Variants in TAFA2 observed in about 807,000 individuals in gnomAD.
TAFA2 encodes TAFA chemokine like family member 2.
A neutral mutation model predicts 18.8 loss-of-function variants in TAFA2; 7 were observed. The ratio of observed to expected loss-of-function variants is 0.37; its 90% confidence interval spans 0.21 to 0.70. TAFA2 has a LOEUF of 0.70. Ranked by LOEUF, TAFA2 falls within the 30% of genes least tolerant of loss-of-function variation. The pLI is 0.53. For missense variants in TAFA2, 122 were observed against 158.1 expected (o/e 0.77, Z 1.23); for synonymous variants, 60 against 54.2 (o/e 1.11, Z -0.47).
chr12:61,714,101 G>C (rs1405492473), intron 4 of TAFA2, among the ~76,000 whole-genome samples: 1 of 152,132 alleles, frequency 6.6e-6, no homozygotes, highest in Non-Finnish European at 1.5e-5. Flanking sequence ...TACAGGATGG[G>C]AGATAGCATT....
intron 1 of TAFA2, among the ~76,000 whole-genome samples, chr12:61,917,061 C>T (rs1414268534): frequency 3.3e-5 from 5 of 152,076 alleles, no homozygotes; most frequent in Non-Finnish European, 1.5e-5. Context: ...CTCCCAGCCC[C>T]CAATCCTGCC....
intron 1 of TAFA2, among the ~76,000 whole-genome samples, chr12:62,238,836 T>A (rs1202341085): frequency 6.6e-6 from 1 of 152,252 alleles, no homozygotes; most frequent in Non-Finnish European, 1.5e-5. Flanking sequence ...TACGTAGGTA[T>A]GTTTTCTGTA....
chr12:62,056,940 TGA>T (rs1882203135), intron 1 of TAFA2, among the ~76,000 whole-genome samples: 2 of 152,220 alleles, frequency 1.3e-5, no homozygotes, highest in South Asian at 4.1e-4. Flanking sequence ...TCTATGCTCT[TGA>T]GAGAGAAAGG....
At chr12:61,888,398 A>T (rs1275297344) in intron 1 of TAFA2, among the ~76,000 whole-genome samples, 1 of 152,220 alleles carries the variant, frequency 6.6e-6, no homozygotes, top group African/African-American at 2.4e-5. Context: ...AGTCATACTC[A>T]GGACCCTTCC....
chr12:62,143,006 G>T (rs1346132069), intron 1 of TAFA2, among the ~76,000 whole-genome samples: 2 of 152,018 alleles, frequency 1.3e-5, no homozygotes, highest in Non-Finnish European at 2.9e-5. Context: ...TGTGAATAAG[G>T]GCTTACCCAA....
At chr12:62,115,116 T>C (rs898890519) in intron 1 of TAFA2, among the ~76,000 whole-genome samples, 2 of 152,160 alleles carry the variant, frequency 1.3e-5, no homozygotes, top group African/African-American at 2.4e-5. Context: ...ATTTGTCTAT[T>C]TTCCATTTTA....
At chr12:61,830,464 G>A (rs2121089557) in intron 2 of TAFA2, among the ~76,000 whole-genome samples, 1 of 151,664 alleles carries the variant, frequency 6.6e-6, no homozygotes, top group Admixed American at 6.6e-5. Context: ...GATATAACTG[G>A]AGGCCATTAT....
At chr12:61,952,622 AG>A (rs1029680310) in intron 1 of TAFA2, among the ~76,000 whole-genome samples, 1 of 152,142 alleles carries the variant, frequency 6.6e-6, no homozygotes, top group Non-Finnish European at 1.5e-5. Context: ...TTAACAGAAA[AG>A]AAAAAAGCAA....
chr12:61,810,877 G>A (rs1186662557), intron 2 of TAFA2, among the ~76,000 whole-genome samples: 6 of 151,130 alleles, frequency 4.0e-5, no homozygotes, highest in Non-Finnish European at 5.9e-5. Context: ...CAGTCAATTT[G>A]TGTTTTTGAA....
At chr12:62,013,833 T>A (rs1411995052) in intron 1 of TAFA2, among the ~76,000 whole-genome samples, 1 of 152,214 alleles carries the variant, frequency 6.6e-6, no homozygotes, top group Non-Finnish European at 1.5e-5. Flanking sequence ...CACCTTCAAA[T>A]ATAGCACAAT....
intron 1 of TAFA2, among the ~76,000 whole-genome samples, chr12:62,015,778 G>T (rs1237684364): frequency 6.6e-6 from 1 of 152,194 alleles, no homozygotes; most frequent in Non-Finnish European, 1.5e-5. Flanking sequence ...CAAGGAAAAA[G>T]AAGATGGTAG....
chr12:62,085,946 C>G (rs1868432352), intron 1 of TAFA2, among the ~76,000 whole-genome samples: 1 of 151,992 alleles, frequency 6.6e-6, no homozygotes, highest in African/African-American at 2.4e-5. Context: ...GAGTGTGGCA[C>G]TTCCCTACTC....
chr12:61,738,349 G>A (rs991609697), intron 4 of TAFA2, among the ~76,000 whole-genome samples: 6 of 142,922 alleles, frequency 4.2e-5, no homozygotes, highest in Admixed American at 7.1e-5. Context: ...CATAAACCCA[G>A]GCTAATACTC....
chr12:61,864,222 C>T (rs549889305), intron 2 of TAFA2, among the ~76,000 whole-genome samples: 1 of 151,848 alleles, frequency 6.6e-6, no homozygotes, highest in Non-Finnish European at 1.5e-5. Flanking sequence ...CATCAGCTCA[C>T]AAAATTTTTC....
chr12:62,155,712 A>T (rs540172529), intron 1 of TAFA2, among the ~76,000 whole-genome samples: 19 of 152,356 alleles, frequency 1.2e-4, no homozygotes, highest in African/African-American at 4.3e-4. Flanking sequence ...CCTTTTCAAC[A>T]AATGGTGCTG....
chr12:62,242,723 A>T (rs1472162553), intron 1 of TAFA2, among the ~76,000 whole-genome samples: 1 of 152,236 alleles, frequency 6.6e-6, no homozygotes, highest in Non-Finnish European at 1.5e-5. Context: ...ATTATTTTTT[A>T]ATGGAGATAA....
intron 1 of TAFA2, among the ~76,000 whole-genome samples, chr12:61,872,382 A>G (rs898844010): frequency 3.9e-5 from 6 of 152,224 alleles, no homozygotes; most frequent in African/African-American, 1.2e-4. Flanking sequence ...ACTAGTTACA[A>G]TGGCATGGAC....
intron 1 of TAFA2, among the ~76,000 whole-genome samples, chr12:62,205,017 AT>A (rs1285299463): frequency 6.6e-6 from 1 of 152,112 alleles, no homozygotes; most frequent in African/African-American, 2.4e-5. Context: ...TTATGGGGAC[AT>A]TTTGTTGATG....
chr12:62,004,688 C>A (rs1183904675), intron 1 of TAFA2, among the ~76,000 whole-genome samples: 2 of 151,766 alleles, frequency 1.3e-5, no homozygotes, highest in South Asian at 2.1e-4. Context: ...GGATATGTAC[C>A]CAAAGGAAAT....
Sources: gnomAD v4.1 joint callset for allele counts (sites outside exome capture counted in the v4.1 genomes callset) on GRCh38, gnomAD v4.1.1 for gene constraint, MANE v1.5 for transcripts, NCBI Gene and HGNC (gene_info 2026-07-23, HGNC 2026-07-21) for gene names.